The following DOCK8 variants were observed in gnomAD, a reference collection of about 807,000 sequenced individuals.
DOCK8 encodes dedicator of cytokinesis protein 8.
In DOCK8, 141 loss-of-function variants were observed where a neutral mutation model predicts 245.6. The ratio of observed to expected loss-of-function variants is 0.57; its 90% confidence interval spans 0.50 to 0.66. The LOEUF is 0.66. Ranked by LOEUF, DOCK8 falls within the 30% of genes least tolerant of loss-of-function variation. The probability of loss-of-function intolerance (pLI) is 0.00; values close to 1 mark genes in which losing one functional copy is unlikely to be tolerated. For missense variants in DOCK8, 2,965 were observed against 2,603.4 expected (o/e 1.14, Z -3.02); for synonymous variants, 1,168 against 970.2 (o/e 1.20, Z -3.79).
At chr9:303,584 A>G (rs2049663877) in intron 4 of DOCK8, among the ~76,000 whole-genome samples, 1 of 152,220 alleles carries the variant, frequency 6.6e-6, no homozygotes, top group Non-Finnish European at 1.5e-5. Context: ...AGCAGGAGCT[A>G]AACATCGGGT....
At chr9:400,358 CCACCATCACCACCTCCTTCACCAT>C (rs2054844548) in intron 26 of DOCK8, among the ~76,000 whole-genome samples, 1 of 87,072 alleles carries the variant, frequency 1.1e-5, no homozygotes, top group African/African-American at 7.5e-5. Context: ...ACCACCTCCT[CCACCATCACCACCTCCTTCACCAT>C]CACCATCACC....
intron 3 of DOCK8, among the ~76,000 whole-genome samples, chr9:288,586 A>G (rs1047680924): frequency 6.6e-6 from 1 of 152,254 alleles, no homozygotes; most frequent in African/African-American, 2.4e-5. Context: ...ATTGTGTGCC[A>G]GGCAGTCTTC....
At chr9:222,650 G>A (rs754166399) in intron 1 of DOCK8, among the ~76,000 whole-genome samples, 19 of 152,180 alleles carry the variant, frequency 1.2e-4, no homozygotes, top group Non-Finnish European at 2.5e-4. Context: ...ATTCTTTAGG[G>A]ATTAAAATAG....
chr9:455,326 T>C (rs776135295), intron 46 of DOCK8, among the ~76,000 whole-genome samples: 2 of 134,028 alleles, frequency 1.5e-5, no homozygotes, highest in Non-Finnish European at 3.3e-5. Context: ...AAACTCTGTC[T>C]CTTTAAAAAA....
At chr9:324,339 ATGACT>A (rs1190356654) in intron 7 of DOCK8, among the ~76,000 whole-genome samples, 1 of 152,214 alleles carries the variant, frequency 6.6e-6, no homozygotes, top group Non-Finnish European at 1.5e-5. Flanking sequence ...GAGACAAAAC[ATGACT>A]TTATTGACAT....
intron 40 of DOCK8, 118 bp downstream of exon 40, chr9:439,506 G>C: frequency 7.3e-7 from 1 of 1,365,946 alleles, no homozygotes; most frequent in Non-Finnish European, 1.0e-6. Flanking sequence ...ACACGTGCCA[G>C]GGTGTGCGGG....
chr9:298,385 G>A (rs1343927015), intron 4 of DOCK8, among the ~76,000 whole-genome samples: 4 of 152,130 alleles, frequency 2.6e-5, no homozygotes, highest in African/African-American at 7.2e-5. Flanking sequence ...AGATCATGCC[G>A]CTGTACTCCA....
chr9:438,555 A>G (rs2056980121), intron 39 of DOCK8, among the ~76,000 whole-genome samples: 1 of 152,236 alleles, frequency 6.6e-6, no homozygotes, highest in Non-Finnish European at 1.5e-5. Flanking sequence ...GTACAAGATC[A>G]GTACTTCCAT....
chr9:405,254 G>C (rs1442850228), intron 27 of DOCK8, among the ~76,000 whole-genome samples, 181 bp downstream of exon 27: 1 of 152,126 alleles, frequency 6.6e-6, no homozygotes, highest in African/African-American at 2.4e-5. Context: ...AACAATCTAA[G>C]TAATTGGTTT....
chr9:256,758 T>C (rs966988225), intron 1 of DOCK8, among the ~76,000 whole-genome samples: 2 of 151,028 alleles, frequency 1.3e-5, no homozygotes, highest in African/African-American at 5.0e-5. Context: ...TACAAAAGAA[T>C]GTGGCAGAAG....
At position 289,611 on chromosome 9, in the gene DOCK8, A is replaced by G. The variant is rs775212439; in HGVS notation, c.404+30A>G. ...GTTACTTTTTTTCCACTTTTTGTAT[A>G]TAAATATTAATTTTATATTGCTAGT... is the stretch of plus-strand genomic sequence containing the variant. On this transcript the variant is annotated intron_variant, in intron 4 of 47. Coordinates refer to ENST00000432829, the MANE Select transcript of DOCK8 (RefSeq NM_203447.4). 59 of 1,551,120 alleles carry G rather than the reference A, an allele frequency of 3.8e-5. No individual in the cohort carries two copies. In the Admixed American group the frequency reaches 9.0e-4, roughly 24 times the overall value.
chr9:295,435 T>C (rs932370508), intron 4 of DOCK8, among the ~76,000 whole-genome samples: 1 of 152,310 alleles, frequency 6.6e-6, no homozygotes, highest in Non-Finnish European at 1.5e-5. Context: ...TGAAATACTT[T>C]GGTAGCATAT....
intron 44 of DOCK8, among the ~76,000 whole-genome samples, chr9:447,150 A>G (rs549106180): frequency 9.9e-5 from 15 of 152,224 alleles, no homozygotes; most frequent in African/African-American, 3.1e-4. Context: ...TTCTTCATCT[A>G]TGCATTAGCA....
In DOCK8 at chr9:441,369, ACT is replaced by A. The variant is rs2057088963; in HGVS notation, c.5309_5310del (p.Leu1770HisfsTer14). The A allele has an allele frequency of 6.2e-7, 1 of 1,614,056 alleles. No individual in the cohort carries two copies. Among genetic ancestry groups the A allele is most frequent in the African/African-American group, 1.3e-5 (1 of 74,910 alleles). ...EAHREFRKLT[L>X]THSKLQRAFD... ...CGCATCGAGAATTCCGGAAGCTGAC[ACT>A]CACTCACAGCAAGCTGCAGAGAGCC... On this transcript the variant is annotated frameshift_variant, in exon 41 of 48. Transcript: ENST00000432829. LOFTEE classifies it high-confidence loss of function.
At chr9:395,566 A>AGTAGTG (rs1554690179) in intron 24 of DOCK8, among the ~76,000 whole-genome samples, 1 of 150,962 alleles carries the variant, frequency 6.6e-6, no homozygotes, top group African/African-American at 2.5e-5. Flanking sequence ...TAGTAGTAGT[A>AGTAGTG]TTGCAGTGGC....
At chr9:412,404 C>CAAAAAAAAAAAAAAAA (rs59340573) in intron 28 of DOCK8, among the ~76,000 whole-genome samples, 1 of 100,790 alleles carries the variant, frequency 9.9e-6, no homozygotes, top group East Asian at 2.7e-4. Context: ...GACCCTGTCT[C>CAAAAAAAAAAAAAAAA]AAAAAAAAAA....
chr9:415,355 C>G (rs1485993237), intron 29 of DOCK8, among the ~76,000 whole-genome samples: 1 of 151,882 alleles, frequency 6.6e-6, no homozygotes. Flanking sequence ...AAAAAGCGGT[C>G]TCAAATGAAC....
chr9:234,890 C>G (rs2131386582), intron 1 of DOCK8, among the ~76,000 whole-genome samples: 1 of 152,286 alleles, frequency 6.6e-6, no homozygotes, highest in Non-Finnish European at 1.5e-5. Flanking sequence ...GCCTTCTTCT[C>G]TCAACTCATC....
At chr9:420,870 G>C (rs2056246324) in intron 31 of DOCK8, 79 bp from the exon 32 acceptor site, 1 of 1,579,506 alleles carries the variant, frequency 6.3e-7, no homozygotes, top group African/African-American at 1.3e-5. Context: ...CATCACTGTG[G>C]AGTGTACTGT....
Sources: allele counts gnomAD v4.1 joint callset (sites outside exome capture counted in the v4.1 genomes callset), GRCh38; gene constraint gnomAD v4.1.1; transcripts MANE v1.5; gene names NCBI Gene and HGNC (gene_info 2026-07-23, HGNC 2026-07-21).